RABGAP1L: variants seen among roughly 807,000 people sequenced by gnomAD.
The protein encoded by RABGAP1L is RAB GTPase activating protein 1 like, also known as rab GTPase-activating protein 1-like.
RABGAP1L carries 63 observed loss-of-function variants against 137.7 expected under a neutral mutation model. The ratio of observed to expected loss-of-function variants is 0.46; its 90% CI spans 0.37 to 0.56. RABGAP1L has a LOEUF of 0.56. RABGAP1L is among the 20% of genes least tolerant of loss of function. The probability of loss-of-function intolerance (pLI) is 0.00; values close to 1 mark genes in which losing one functional copy is unlikely to be tolerated. For synonymous variants in RABGAP1L, 431 were observed against 433.7 expected (o/e 0.99, Z 0.08); for missense variants, 1,095 against 1,244.0 (o/e 0.88, Z 1.80).
chr1:174,180,975 A>AC (rs1223560358), intron 1 of RABGAP1L, among the ~76,000 whole-genome samples: 162 of 152,314 alleles, frequency 1.1e-3, no homozygotes, highest in African/African-American at 3.7e-3. Context: ...CACTTCTCTT[A>AC]CATTTAATTC....
chr1:174,898,377 C>T (rs1484628940), intron 19 of RABGAP1L, among the ~76,000 whole-genome samples: 1 of 152,134 alleles, frequency 6.6e-6, no homozygotes, highest in Non-Finnish European at 1.5e-5. Flanking sequence ...AAATGCATGG[C>T]GTTTGTGCTT....
chr1:174,355,233 A>G (rs1435340012), intron 11 of RABGAP1L, among the ~76,000 whole-genome samples: 2 of 152,144 alleles, frequency 1.3e-5, no homozygotes, highest in Non-Finnish European at 2.9e-5. Context: ...ACCGCTATAG[A>G]CTGGATTAAG....
intron 13 of RABGAP1L, among the ~76,000 whole-genome samples, chr1:174,413,069 C>T (rs1282537280): frequency 6.6e-6 from 1 of 152,122 alleles, no homozygotes; most frequent in Non-Finnish European, 1.5e-5. Context: ...AGATTGTTTA[C>T]TTTTTCTCCT....
At chr1:174,969,452 G>A (rs1356708302) in intron 21 of RABGAP1L, 65 bp downstream of exon 21, 47 of 1,227,624 alleles carry the variant, frequency 3.8e-5, no homozygotes, top group Non-Finnish European at 5.0e-5. Context: ...CCTCATCACC[G>A]CCCCCACAAA....
chr1:174,748,137 T>C (rs188990316), intron 17 of RABGAP1L, among the ~76,000 whole-genome samples: 14 of 152,340 alleles, frequency 9.2e-5, no homozygotes, highest in African/African-American at 3.4e-4. Context: ...TAATTTTTAC[T>C]TGTAAGTTCT....
chr1:174,393,870 C>T, intron 12 of RABGAP1L, 125 bp from the exon 13 acceptor site: 1 of 987,250 alleles, frequency 1.0e-6, no homozygotes, highest in Non-Finnish European at 1.5e-6. Context: ...GTTTAATGCC[C>T]CCCCACAAAC....
chr1:174,247,424 A>T (rs999074715), intron 5 of RABGAP1L, among the ~76,000 whole-genome samples: 1 of 152,218 alleles, frequency 6.6e-6, no homozygotes, highest in Non-Finnish European at 1.5e-5. Context: ...TTATTAAGAA[A>T]TTATTTTAGG....
At chr1:174,232,143 CA>C (rs1407993177) in intron 4 of RABGAP1L, among the ~76,000 whole-genome samples, 2 of 152,130 alleles carry the variant, frequency 1.3e-5, no homozygotes, top group Admixed American at 6.6e-5. Flanking sequence ...TGGAAAGAAG[CA>C]AAATGGCTTT....
intron 13 of RABGAP1L, among the ~76,000 whole-genome samples, chr1:174,478,365 G>A (rs528055761): frequency 1.2e-4 from 18 of 151,820 alleles, no homozygotes; most frequent in African/African-American, 3.4e-4. Flanking sequence ...TGAACTCCTG[G>A]GCTCAAGCAA....
At chr1:174,351,871 G>A (rs556887353) in intron 11 of RABGAP1L, among the ~76,000 whole-genome samples, 10 of 151,894 alleles carry the variant, frequency 6.6e-5, no homozygotes, top group African/African-American at 1.5e-4. Flanking sequence ...GTGCCATCTC[G>A]GCTCACTGCA....
intron 10 of RABGAP1L, among the ~76,000 whole-genome samples, chr1:174,281,233 C>T (rs1675507169): frequency 6.6e-6 from 1 of 152,134 alleles, no homozygotes; most frequent in Non-Finnish European, 1.5e-5. Flanking sequence ...AGCTTTTATT[C>T]CCTTATTTGG....
chr1:174,250,546 C>A lies in RABGAP1L; in HGVS notation c.789C>A (p.Asp263Glu). Residue 263 changes from aspartate (D) to glutamate (E), a missense_variant, in exon 6 of 26, where the codon GAC (aspartate) becomes GAA (glutamate). Physicochemically the swap from Asp to Glu is conservative, Grantham distance 45. Around this residue, in one of 4 missense-constraint regions of RABGAP1L, gnomAD observed 356 missense variants for 326.3 expected, o/e 1.09. Transcript: ENST00000681986. ...RSSRQVSDVK[D>E]SVIPTPDSDV... ...CCAGACAAGTGTCTGATGTTAAAGA[C>A]TCAGTTATTCCTACCCCCGACAGTG... 6.2e-7 allele frequency: 1 copy of A among 1,613,568 alleles called. No homozygotes were observed. Among genetic ancestry groups the A allele is most frequent in the South Asian group, 1.1e-5 (1 of 91,058 alleles).
chr1:174,378,021 T>G (rs1242137330), intron 12 of RABGAP1L, among the ~76,000 whole-genome samples: 1 of 140,298 alleles, frequency 7.1e-6, no homozygotes, highest in African/African-American at 2.8e-5. Flanking sequence ...CACCTATGAG[T>G]GAGAATATGC....
chr1:174,560,874 T>C (rs1667167918), intron 13 of RABGAP1L, among the ~76,000 whole-genome samples: 1 of 152,214 alleles, frequency 6.6e-6, no homozygotes, highest in South Asian at 2.1e-4. Flanking sequence ...GCTGCATCCA[T>C]GTTGCTTCAA....
At chr1:174,572,683 C>T (rs1310865602) in intron 13 of RABGAP1L, among the ~76,000 whole-genome samples, 6 of 152,052 alleles carry the variant, frequency 3.9e-5, no homozygotes, top group African/African-American at 9.7e-5. Flanking sequence ...GCCCAGCCAA[C>T]GTTGTGTTTT....
At chr1:174,608,713 T>C (rs1670966816) in intron 13 of RABGAP1L, among the ~76,000 whole-genome samples, 1 of 152,096 alleles carries the variant, frequency 6.6e-6, no homozygotes, top group South Asian at 2.1e-4. Flanking sequence ...CGGGACAATA[T>C]TACAGATGGA....
intron 19 of RABGAP1L, among the ~76,000 whole-genome samples, chr1:174,844,074 T>C (rs981257685): frequency 3.3e-5 from 5 of 151,770 alleles, no homozygotes; most frequent in African/African-American, 1.2e-4. Context: ...TTGATGGGGT[T>C]GTTTTTTTCT....
intron 1 of RABGAP1L, among the ~76,000 whole-genome samples, chr1:174,160,975 A>G (rs944675512): frequency 2.0e-5 from 3 of 152,160 alleles, no homozygotes; most frequent in Non-Finnish European, 2.9e-5. Context: ...GTCCCTTATG[A>G]AATTGACAAT....
intron 1 of RABGAP1L, among the ~76,000 whole-genome samples, chr1:174,201,260 ATTTT>A (rs746379130): frequency 1.4e-5 from 2 of 139,912 alleles, no homozygotes; most frequent in African/African-American, 2.6e-5. Context: ...CAGTGTAGAA[ATTTT>A]TTTTTTTTTT....
Sources: allele counts gnomAD v4.1 joint callset (sites outside exome capture counted in the v4.1 genomes callset), GRCh38; gene constraint gnomAD v4.1.1; regional missense constraint gnomAD v4.1.1; transcripts MANE v1.5; gene names NCBI Gene and HGNC (gene_info 2026-07-23, HGNC 2026-07-21).